ESR2: variants seen among roughly 807,000 people sequenced by gnomAD.
ESR2 encodes the protein estrogen receptor beta.
Under a neutral mutation model 49.6 loss-of-function variants are expected in ESR2, and 36 were observed. That is an observed-to-expected ratio of 0.73 (90% confidence interval 0.56 to 0.96). The LOEUF is 0.96. Ranked by LOEUF, ESR2 falls within the 40% of genes least tolerant of loss-of-function variation. The pLI, the probability that ESR2 is intolerant of heterozygous loss-of-function variation, is 0.00. For missense variants in ESR2, 714 were observed against 693.0 expected (o/e 1.03, Z -0.34); for synonymous variants, 320 against 266.1 (o/e 1.20, Z -1.97).
Position 64,249,555 on chromosome 14 carries a change from G to C in ESR2, c.1216C>G (p.Leu406Val), listed in dbSNP as rs373170989. Residue 406 changes from leucine to valine, a missense_variant, in exon 7 of 9, where the codon CTC becomes GTC. Physicochemically the swap from Leu to Val is conservative, Grantham distance 32. Transcript: ENST00000341099. ...EYLCVKAMIL[L>V]NSSMYPLVTA... ...CTGTGTGATTACTTACTGGAATTGA[G>C]CAGGATCATGGCCTTGACACAGAGA... The C allele has an allele frequency of 1.8e-5, 29 of 1,613,578 alleles. No individual in the cohort carries two copies. Among genetic ancestry groups the C allele is most frequent in the Non-Finnish European group, 2.5e-5 (29 of 1,179,884 alleles).
intron 7 of ESR2, among the ~76,000 whole-genome samples, chr14:64,243,205 G>A (rs1014374140): frequency 2.0e-5 from 3 of 152,178 alleles, no homozygotes; most frequent in East Asian, 1.9e-4. Flanking sequence ...TGGTGGTGGG[G>A]CCACCAGTTG....
chr14:64,281,538 AAAT>A (rs1032146977), intron 2 of ESR2, among the ~76,000 whole-genome samples: 18 of 152,312 alleles, frequency 1.2e-4, no homozygotes, highest in African/African-American at 4.3e-4. Context: ...AAAAGAAGAA[AAAT>A]AATGGTGCAA....
At chr14:64,239,300 A>G (rs370668765) in intron 7 of ESR2, among the ~76,000 whole-genome samples, 36 of 152,126 alleles carry the variant, frequency 2.4e-4, no homozygotes, top group African/African-American at 8.4e-4. Flanking sequence ...GCATCCATCT[A>G]TGTCTTTGTC....
chr14:64,278,129 C>A (rs1424147068), intron 3 of ESR2, among the ~76,000 whole-genome samples: 1 of 152,144 alleles, frequency 6.6e-6, no homozygotes, highest in Non-Finnish European at 1.5e-5. Flanking sequence ...CAATATTGTT[C>A]TTATCATATA....
At chr14:64,299,117 TTAA>T (rs1158091649), upstream of ESR2, among the ~76,000 whole-genome samples, 1 of 151,736 alleles carries the variant, frequency 6.6e-6, no homozygotes, top group East Asian at 1.9e-4. Context: ...TCAGAAGATA[TTAA>T]TAAGTCAGCC....
In ESR2 at chr14:64,234,780, A is replaced by G. The variant is rs1380278138; in HGVS notation, c.1406+190T>C. Reference sequence around the variant, plus strand: ...TGCCATGCAGAGCCTGTAAGATACCACATGACATTCCTTCCATGCCCACTC... The same window carrying G: ...TGCCATGCAGAGCCTGTAAGATACCGCATGACATTCCTTCCATGCCCACTC... On this transcript the variant is annotated intron_variant, in intron 8 of 8. Transcript: ENST00000341099. 10 of 1,280,512 alleles carry G rather than the reference A, an allele frequency of 7.8e-6. No homozygotes were observed. In the South Asian group the frequency reaches 7.9e-5, roughly 10 times the overall value. 79.3% of individuals were successfully genotyped at this position (1,280,512 alleles called of 1,614,324 possible).
At chr14:64,293,392 T>G (rs2076903951) in intron 1 of ESR2, among the ~76,000 whole-genome samples, 1 of 152,272 alleles carries the variant, frequency 6.6e-6, no homozygotes, top group East Asian at 1.9e-4. Context: ...TCCTGCTTTT[T>G]AAACAGCGAG....
intron 1 of ESR2, among the ~76,000 whole-genome samples, chr14:64,318,705 G>A (rs1251388583): frequency 5.3e-5 from 8 of 151,672 alleles, no homozygotes; most frequent in Admixed American, 4.6e-4. Flanking sequence ...TTAGAAACTA[G>A]CCAGGTCAAC....
At chr14:64,298,992 GAAA>G (rs77353728), upstream of ESR2, among the ~76,000 whole-genome samples, 2 of 108,220 alleles carry the variant, frequency 1.8e-5, no homozygotes, top group Non-Finnish European at 4.2e-5. Flanking sequence ...ACCCAGTTAA[GAAA>G]AAAAAAAAAA....
intron 7 of ESR2, among the ~76,000 whole-genome samples, chr14:64,235,995 A>C (rs1386959622): frequency 6.6e-6 from 1 of 152,112 alleles, no homozygotes; most frequent in Non-Finnish European, 1.5e-5. Context: ...CAGGCTTTCC[A>C]TTTCAAAGCA....
At chr14:64,267,654 A>C (rs1246100939) in intron 4 of ESR2, among the ~76,000 whole-genome samples, 1 of 151,926 alleles carries the variant, frequency 6.6e-6, no homozygotes, top group Non-Finnish European at 1.5e-5. Flanking sequence ...AGGCAGGCAG[A>C]TCACGAGGTC....
chr14:64,280,458 A>T (rs1441330524), intron 2 of ESR2, among the ~76,000 whole-genome samples: 1 of 152,168 alleles, frequency 6.6e-6, no homozygotes, highest in Non-Finnish European at 1.5e-5. Context: ...TGGGAGCTAC[A>T]TCTCTAAGTG....
At chr14:64,252,227 A>G (rs2076002174) in intron 6 of ESR2, among the ~76,000 whole-genome samples, 1 of 151,712 alleles carries the variant, frequency 6.6e-6, no homozygotes, top group South Asian at 2.1e-4. Flanking sequence ...GCAAAAGATC[A>G]CTTGAGGCCA....
intron 7 of ESR2, among the ~76,000 whole-genome samples, chr14:64,248,518 A>G (rs867019993): frequency 6.6e-6 from 1 of 151,016 alleles, no homozygotes; most frequent in South Asian, 2.1e-4. Context: ...AAAAAAAAAA[A>G]AAAAGAAAAA....
intron 4 of ESR2, among the ~76,000 whole-genome samples, chr14:64,266,647 C>G (rs763643153): frequency 2.7e-4 from 41 of 152,296 alleles, no homozygotes; most frequent in Non-Finnish European, 5.0e-4. Flanking sequence ...CTTTAAGCAT[C>G]TGGGCCAATT....
intron 7 of ESR2, among the ~76,000 whole-genome samples, chr14:64,246,082 C>T (rs963968547): frequency 1.3e-5 from 2 of 152,194 alleles, no homozygotes; most frequent in East Asian, 1.9e-4. Context: ...GTGGCTCACA[C>T]CTGTAATCAC....
intron 3 of ESR2, among the ~76,000 whole-genome samples, chr14:64,275,097 T>C (rs1319784412): frequency 6.6e-6 from 1 of 152,210 alleles, no homozygotes; most frequent in Non-Finnish European, 1.5e-5. Flanking sequence ...ATTCTGTAAA[T>C]ATCTATTAGG....
chr14:64,302,571 G>A (rs72722327), intron 1 of ESR2, among the ~76,000 whole-genome samples: 10,319 of 152,034 alleles, frequency 0.068, 418 homozygotes, highest in Non-Finnish European at 0.082. Context: ...GCAGGTCCTG[G>A]GAATGTTTAT....
rs574925911 is a variant in ESR2 at position 64,242,799 on chromosome 14, A to G, written c.1225+6747T>C. ...ATGTGTAAACTTGGTGTATTAGTCC[A>G]TTTTCACACTGCTGATAGACATACC... On this transcript the variant is annotated intron_variant, in intron 7 of 8. Transcript: ENST00000341099. Among the ~76,000 whole-genome samples, 8 of 151,728 alleles carry G rather than the reference A, an allele frequency of 5.3e-5. No individual in the cohort carries two copies. In the East Asian group the frequency reaches 1.6e-3, roughly 30 times the overall value.
Sources: gnomAD v4.1 joint callset for allele counts (sites outside exome capture counted in the v4.1 genomes callset) on GRCh38, gnomAD v4.1.1 for gene constraint, MANE v1.5 for transcripts, NCBI Gene and HGNC (gene_info 2026-07-23, HGNC 2026-07-21) for gene names.